The following NALF1 variants were observed in gnomAD, a reference collection of about 807,000 sequenced individuals.
NALF1 encodes NALCN channel auxiliary factor 1.
Under a neutral mutation model 48.4 loss-of-function variants are expected in NALF1, and 3 were observed. That is an observed-to-expected ratio of 0.06 (90% CI 0.03 to 0.16). NALF1 has a LOEUF of 0.16. Ranked by LOEUF, NALF1 falls within the 10% of genes least tolerant of loss-of-function variation. The probability of loss-of-function intolerance (pLI) is 1.00; values close to 1 mark genes in which losing one functional copy is unlikely to be tolerated. For missense variants in NALF1, 526 were observed against 571.5 expected (o/e 0.92, Z 0.81); for synonymous variants, 262 against 245.7 (o/e 1.07, Z -0.62).
At chr13:107,366,613 C>T (rs548694519) in intron 1 of NALF1, among the ~76,000 whole-genome samples, 8 of 152,234 alleles carry the variant, frequency 5.3e-5, no homozygotes, top group Non-Finnish European at 8.8e-5. Context: ...ACACTTTCAA[C>T]TCTGCCGACT....
At chr13:107,359,681 TA>T (rs1284330116) in intron 1 of NALF1, among the ~76,000 whole-genome samples, 1 of 141,300 alleles carries the variant, frequency 7.1e-6, no homozygotes, top group Non-Finnish European at 1.6e-5. Flanking sequence ...AGGAACCAAA[TA>T]AAAAATGTTG....
chr13:107,630,133 T>A (rs1214683276), intron 1 of NALF1, among the ~76,000 whole-genome samples: 2 of 152,026 alleles, frequency 1.3e-5, no homozygotes, highest in African/African-American at 4.8e-5. Context: ...AGCCTACTGC[T>A]CAAGGTCATC....
chr13:107,279,398 G>A (rs563216201), intron 1 of NALF1, among the ~76,000 whole-genome samples: 6 of 152,082 alleles, frequency 3.9e-5, no homozygotes, highest in Non-Finnish European at 8.8e-5. Context: ...TGGAATTACA[G>A]GTGCATGCCA....
rs374542761 is a variant in NALF1 at position 107,170,487 on chromosome 13, C to T, written c.*10G>A. On this transcript the variant is annotated 3_prime_UTR_variant, in exon 3 of 3. Coordinates refer to ENST00000375915, the MANE Select transcript of NALF1 (RefSeq NM_001080396.3). Reference sequence around the variant, plus strand: ...GGCCAGCTGCTGCTGTGGTGACACTCGTCCTTCCGTTACTCCTCATTGGTT... The same window carrying T: ...GGCCAGCTGCTGCTGTGGTGACACTTGTCCTTCCGTTACTCCTCATTGGTT... 9.5e-6 allele frequency: 15 copies of T among 1,580,804 alleles called. No individual in the cohort carries two copies. Among genetic ancestry groups the T allele is most frequent in the African/African-American group, 4.0e-5 (3 of 74,670 alleles).
chr13:107,594,042 A>T (rs1387139635), intron 1 of NALF1, among the ~76,000 whole-genome samples: 1 of 152,026 alleles, frequency 6.6e-6, no homozygotes, highest in Non-Finnish European at 1.5e-5. Flanking sequence ...CATTATGTCA[A>T]CCTTCTAGAT....
At chr13:107,394,070 T>C (rs1883670706) in intron 1 of NALF1, among the ~76,000 whole-genome samples, 1 of 152,192 alleles carries the variant, frequency 6.6e-6, no homozygotes, top group Non-Finnish European at 1.5e-5. Context: ...AACAAACGCA[T>C]GATGCCAACA....
At chr13:107,342,850 A>G (rs990921239) in intron 1 of NALF1, among the ~76,000 whole-genome samples, 1 of 152,166 alleles carries the variant, frequency 6.6e-6, no homozygotes. Context: ...AAATACATGT[A>G]TCTAACATCA....
At chr13:107,599,436 A>T (rs978604114) in intron 1 of NALF1, among the ~76,000 whole-genome samples, 12 of 150,262 alleles carry the variant, frequency 8.0e-5, no homozygotes, top group African/African-American at 1.2e-4. Flanking sequence ...AAAAAAAAAA[A>T]AAATAACATT....
intron 1 of NALF1, among the ~76,000 whole-genome samples, chr13:107,862,643 T>A (rs1230678409): frequency 3.3e-5 from 5 of 152,012 alleles, no homozygotes; most frequent in Non-Finnish European, 5.9e-5. Context: ...ATATTTTTTC[T>A]ATGATACATT....
intron 1 of NALF1, among the ~76,000 whole-genome samples, chr13:107,271,212 T>G (rs1163160410): frequency 6.6e-6 from 1 of 152,150 alleles, no homozygotes; most frequent in Non-Finnish European, 1.5e-5. Context: ...GTAGTTAAAG[T>G]TACTAATCAT....
intron 1 of NALF1, among the ~76,000 whole-genome samples, chr13:107,273,508 C>G (rs1473427477): frequency 1.3e-5 from 2 of 152,178 alleles, no homozygotes; most frequent in African/African-American, 4.8e-5. Context: ...ATATCATTCT[C>G]AAATTTACTT....
At chr13:107,719,463 C>A (rs1020915702) in intron 1 of NALF1, among the ~76,000 whole-genome samples, 1 of 152,088 alleles carries the variant, frequency 6.6e-6, no homozygotes, top group Admixed American at 6.5e-5. Flanking sequence ...CTGACACAAT[C>A]GTGCTTCCCC....
intron 1 of NALF1, among the ~76,000 whole-genome samples, chr13:107,513,470 C>G (rs1406096900): frequency 6.6e-6 from 1 of 151,898 alleles, no homozygotes; most frequent in Non-Finnish European, 1.5e-5. Context: ...GGGAAACTAG[C>G]CATTGTTTAA....
At chr13:107,622,459 C>CA (rs1409833420) in intron 1 of NALF1, among the ~76,000 whole-genome samples, 163 of 85,370 alleles carry the variant, frequency 1.9e-3, no homozygotes, top group African/African-American at 4.7e-3. Flanking sequence ...AACAAACAAA[C>CA]AACAACAACA....
intron 1 of NALF1, among the ~76,000 whole-genome samples, chr13:107,556,266 TCTC>T (rs2138389063): frequency 7.8e-6 from 1 of 127,750 alleles, no homozygotes; most frequent in East Asian, 2.4e-4. Context: ...TCTCTCTCTC[TCTC>T]AACATATATA....
intron 1 of NALF1, among the ~76,000 whole-genome samples, chr13:107,286,895 G>C (rs959345838): frequency 6.6e-6 from 1 of 152,202 alleles, no homozygotes; most frequent in Non-Finnish European, 1.5e-5. Context: ...TGAAAGTTAG[G>C]AGGAGAGTGA....
chr13:107,854,808 C>A (rs139029493), intron 1 of NALF1, among the ~76,000 whole-genome samples: 3 of 146,604 alleles, frequency 2.0e-5, no homozygotes, highest in Non-Finnish European at 4.4e-5. Context: ...CGGGAGGCGG[C>A]GGTTGCAGTG....
intron 1 of NALF1, among the ~76,000 whole-genome samples, chr13:107,615,437 C>T (rs1879354713): frequency 6.6e-6 from 1 of 152,148 alleles, no homozygotes; most frequent in Non-Finnish European, 1.5e-5. Flanking sequence ...ATGATTGTTT[C>T]ACAAACCCTG....
intron 1 of NALF1, among the ~76,000 whole-genome samples, chr13:107,656,921 G>A (rs1451647363): frequency 6.6e-6 from 1 of 151,946 alleles, no homozygotes; most frequent in African/African-American, 2.4e-5. Flanking sequence ...ACCAAACATT[G>A]TATTTTCTCA....
Sources: allele counts gnomAD v4.1 joint callset (sites outside exome capture counted in the v4.1 genomes callset), GRCh38; gene constraint gnomAD v4.1.1; transcripts MANE v1.5; gene names NCBI Gene and HGNC (gene_info 2026-07-23, HGNC 2026-07-21).